Variants in CLIP4 observed in about 807,000 individuals in gnomAD.
The protein encoded by CLIP4 is CAP-Gly domain-containing linker protein 4.
CLIP4 carries 47 observed loss-of-function variants against 73.1 expected under a neutral mutation model. The observed-to-expected ratio is 0.64, with a 90% CI of 0.51 to 0.82. The LOEUF (loss-of-function observed/expected upper bound fraction) is 0.82. CLIP4 is among the 40% of genes least tolerant of loss of function. The probability of loss-of-function intolerance (pLI) is 0.00; values close to 1 mark genes in which losing one functional copy is unlikely to be tolerated. For missense variants in CLIP4, 874 were observed against 852.9 expected, an observed-to-expected ratio of 1.02 and a Z score of -0.31; for synonymous variants, 306 against 295.4, an observed-to-expected ratio of 1.04 and a Z score of -0.37.
At chr2:29,112,195 C>A (rs1200092728), upstream of CLIP4, among the ~76,000 whole-genome samples, 1 of 152,136 alleles carries the variant, frequency 6.6e-6, no homozygotes, top group African/African-American at 2.4e-5. Flanking sequence ...TCTGGCATGG[C>A]AGGTCTGCTC....
intron 1 of CLIP4, among the ~76,000 whole-genome samples, chr2:29,099,356 G>A (rs1054235591): frequency 9.2e-5 from 14 of 152,092 alleles, no homozygotes; most frequent in African/African-American, 2.9e-4. Context: ...TTATGTCCAC[G>A]ATCCATTTTG....
intron 1 of CLIP4, among the ~76,000 whole-genome samples, chr2:29,108,715 T>C (rs1231106250): frequency 6.6e-6 from 1 of 152,224 alleles, no homozygotes; most frequent in African/African-American, 2.4e-5. Flanking sequence ...TCAAACATTT[T>C]TCATACGTAC....
At chr2:29,151,954 C>T (rs1319249838) in intron 8 of CLIP4, among the ~76,000 whole-genome samples, 1 of 152,052 alleles carries the variant, frequency 6.6e-6, no homozygotes, top group African/African-American at 2.4e-5. Context: ...CCTGCCCCTG[C>T]CGCTCCCCTC....
chr2:29,177,865 G>A (rs1668433915), intron 15 of CLIP4, among the ~76,000 whole-genome samples: 2 of 152,160 alleles, frequency 1.3e-5, no homozygotes, highest in Non-Finnish European at 2.9e-5. Context: ...TGAGTAAACA[G>A]AGCTCTCAAA....
chr2:29,167,568 A>C (rs774245428), intron 14 of CLIP4, 28 bp downstream of exon 14: 1 of 1,532,146 alleles, frequency 6.5e-7, no homozygotes, highest in Non-Finnish European at 8.9e-7. Context: ...TGTGTTCCTA[A>C]TCAATATTTC....
At chr2:29,181,306 G>A (rs1472844209) in intron 15 of CLIP4, among the ~76,000 whole-genome samples, 1 of 152,206 alleles carries the variant, frequency 6.6e-6, no homozygotes, top group Non-Finnish European at 1.5e-5. Flanking sequence ...AAGAGAAGGG[G>A]TTGGTCTTGT....
chr2:29,128,814 A>G (rs1664783035), intron 2 of CLIP4, among the ~76,000 whole-genome samples: 1 of 151,618 alleles, frequency 6.6e-6, no homozygotes. Flanking sequence ...CCTACTTCAC[A>G]TTTTTTCTTG....
At chr2:29,104,210 A>G (rs1668136611) in intron 1 of CLIP4, among the ~76,000 whole-genome samples, 2 of 152,250 alleles carry the variant, frequency 1.3e-5, no homozygotes, top group South Asian at 4.1e-4. Flanking sequence ...AGAATTACTT[A>G]GTAAGTGCTT....
chr2:29,138,718 G>A (rs9967772), intron 6 of CLIP4, among the ~76,000 whole-genome samples: 13,550 of 152,002 alleles, frequency 0.089, 673 homozygotes, highest in Non-Finnish European at 0.098. Flanking sequence ...CATCTCCTTG[G>A]TTAGATGTAT....
At chr2:29,143,408 T>TC (rs1282535949) in intron 6 of CLIP4, among the ~76,000 whole-genome samples, 29 of 39,492 alleles carry the variant, frequency 7.3e-4, no homozygotes, top group Non-Finnish European at 1.6e-3. Context: ...CTGTTTTTTT[T>TC]TTTTCCCTCC....
Position 29,107,375 on chromosome 2 carries a change from T to TTTTG in CLIP4, c.-16+9431_-16+9432insGTTT, listed in dbSNP as rs1572855000. ...ACATGATAGTTTTTTTTTTTTTTTT[T>TTTTG]TTTTTTTTTTTTTTGAGATGGAGTC... On this transcript the variant is annotated intron_variant, in intron 1 of 14. Coordinates refer to the CLIP4 transcript ENST00000401605. 2.3e-5 allele frequency among the ~76,000 whole-genome samples: 3 copies of TTTTG among 129,226 alleles called. No homozygotes were observed. In the East Asian group the frequency reaches 6.7e-4, roughly 29 times the overall value. 84.8% of individuals were successfully genotyped at this position (129,226 alleles called of 152,430 possible). A position where few individuals can be genotyped will look rare whatever the true frequency, so the allele number is the denominator to read the frequency against.
intron 8 of CLIP4, among the ~76,000 whole-genome samples, chr2:29,149,923 A>G (rs1035515267): frequency 2.0e-5 from 3 of 152,202 alleles, no homozygotes; most frequent in Admixed American, 1.3e-4. Flanking sequence ...AGTAGTCATG[A>G]TAGAGGTTAT....
chr2:29,169,838 A>G (rs1451743130), intron 14 of CLIP4, among the ~76,000 whole-genome samples: 1 of 152,124 alleles, frequency 6.6e-6, no homozygotes, highest in East Asian at 1.9e-4. Flanking sequence ...TGTGCTATTG[A>G]ATACTAGAAC....
rs1016710984 is a variant in CLIP4, at chr2:29,133,562, T to C, written c.368-93T>C. ...TGAAGTGTGTCTATACAGTGCACTG[T>C]TTGCTTTGGCTTTTTAAATGAGGCA... On this transcript the variant is annotated intron_variant, in intron 4 of 15. Transcript: ENST00000320081. The C allele has an allele frequency of 4.9e-6, 6 of 1,222,026 alleles. No homozygotes were observed. In the Admixed American group the frequency reaches 7.4e-5, roughly 15 times the overall value. 75.7% of individuals were successfully genotyped at this position (1,222,026 alleles called of 1,614,324 possible).
At chr2:29,149,603 A>G (rs1558552530) in intron 8 of CLIP4, among the ~76,000 whole-genome samples, 1 of 151,848 alleles carries the variant, frequency 6.6e-6, no homozygotes, top group Non-Finnish European at 1.5e-5. Context: ...ACATGTCGAG[A>G]TTTGAGAAAA....
Position 29,139,264 on chromosome 2 carries a change from T to C in CLIP4, c.648+3598T>C, listed in dbSNP as rs145859883. On this transcript the variant is annotated intron_variant, in intron 6 of 15. Coordinates refer to ENST00000320081, the MANE Select transcript of CLIP4 (RefSeq NM_024692.6). ...GCTTTTTCTGTGTCTATTGAGATGATCCTACAGTTTTTAATTTTGTTTATG... is the reference window on the plus strand; with the variant it reads ...GCTTTTTCTGTGTCTATTGAGATGACCCTACAGTTTTTAATTTTGTTTATG... Among the ~76,000 whole-genome samples, 715 of 152,194 alleles carry C rather than the reference T, an allele frequency of 4.7e-3. 6 individuals are homozygous for C. The highest frequency in any genetic ancestry group is 0.016 in the African/African-American group (674 of 41,512).
At chr2:29,107,037 C>T (rs1049170756) in intron 1 of CLIP4, among the ~76,000 whole-genome samples, 1 of 152,158 alleles carries the variant, frequency 6.6e-6, no homozygotes, top group Admixed American at 6.5e-5. Context: ...TGACTCAGTA[C>T]CAGCTAATTA....
Position 29,143,795 on chromosome 2 carries a change from G to A in CLIP4, c.735G>A (p.Lys245=), listed in dbSNP as rs1478989080. 1 of 1,614,102 alleles carries A rather than the reference G, an allele frequency of 6.2e-7. No individual in the cohort carries two copies. The highest frequency in any genetic ancestry group is 8.5e-7 in the Non-Finnish European group (1 of 1,179,940). The stretch of plus-strand genomic sequence containing the variant: ...TGGCTGACGCCGCAGCCACTGCTAA[G>A]GAAATCAAGCAGATGCTTCTAGATG... ...LEMADAAATA[K]EIKQMLLDAV... The change falls in exon 7 of 16, where the codon AAG becomes AAA. Residue 245 remains lysine, a synonymous_variant. Coordinates refer to ENST00000320081, the MANE Select transcript of CLIP4 (RefSeq NM_024692.6).
chr2:29,168,630 C>T (rs1667789419), intron 14 of CLIP4, among the ~76,000 whole-genome samples: 1 of 146,028 alleles, frequency 6.8e-6, no homozygotes, highest in Admixed American at 7.1e-5. Flanking sequence ...TCACACCATT[C>T]TCCTGCCTCA....
Sources: allele counts gnomAD v4.1 joint callset (sites outside exome capture counted in the v4.1 genomes callset), GRCh38; gene constraint gnomAD v4.1.1; transcripts MANE v1.5; gene names NCBI Gene and HGNC (gene_info 2026-07-23, HGNC 2026-07-21).